The following DYNC1H1 variants were observed in gnomAD, a reference collection of about 807,000 sequenced individuals.
DYNC1H1 encodes the protein cytoplasmic dynein 1 heavy chain 1.
DYNC1H1 carries 51 observed loss-of-function variants against 527.1 expected under a neutral mutation model. That is an observed-to-expected ratio of 0.10 (90% CI 0.08 to 0.12). The LOEUF is 0.12. Among genes scored for constraint, DYNC1H1 ranks in the 10% least tolerant of loss-of-function variants. DYNC1H1 has a pLI of 1.00. For synonymous variants in DYNC1H1, 2,189 were observed against 2,278.8 expected (o/e 0.96, Z 1.12); for missense variants, 2,771 against 5,971.8 (o/e 0.46, Z 17.66).
intron 11 of DYNC1H1, among the ~76,000 whole-genome samples, chr14:101,993,817 G>T (rs921576562): frequency 2.0e-5 from 3 of 152,168 alleles, no homozygotes; most frequent in Admixed American, 1.3e-4. Flanking sequence ...CCCTAATCGC[G>T]TCTCTCCTCC....
At chr14:101,975,185 T>C (rs2047786769) in intron 1 of DYNC1H1, among the ~76,000 whole-genome samples, 1 of 152,200 alleles carries the variant, frequency 6.6e-6, no homozygotes, top group African/African-American at 2.4e-5. Context: ...GTTACTGATA[T>C]TCTTTATGGA....
chr14:102,030,189 C>T lies in DYNC1H1; in HGVS notation c.9790C>T (p.Leu3264=), dbSNP rs373682811. The T allele has an allele frequency of 2.4e-5, 38 of 1,614,030 alleles. No individual in the cohort carries two copies. The highest frequency in any genetic ancestry group is 3.1e-5 in the Non-Finnish European group (36 of 1,180,042). The change falls in exon 51 of 78, where the codon CTG becomes TTG. Residue 3264 remains leucine, a synonymous_variant. Coordinates refer to ENST00000360184, the MANE Select transcript of DYNC1H1 (RefSeq NM_001376.5). Reference sequence around the variant, plus strand: ...TATGAGCCAAGAAATCCAGGAACAGCTGCATAAGCAGCAGGAGGTAATTGC... The same window carrying T: ...TATGAGCCAAGAAATCCAGGAACAGTTGCATAAGCAGCAGGAGGTAATTGC... ...KVMSQEIQEQ[L]HKQQEVIADK... is the part of the protein sequence containing the mutation.
chr14:101,998,525 G>A (rs1276500576), intron 16 of DYNC1H1, among the ~76,000 whole-genome samples: 1 of 152,346 alleles, frequency 6.6e-6, no homozygotes, highest in East Asian at 1.9e-4. Flanking sequence ...AAATGGAAAA[G>A]ATGTGAACAT....
rs10136312 is a variant in DYNC1H1, at chr14:102,049,376, G to A, written c.13373-64G>A. The A allele has an allele frequency of 0.016, 25,515 of 1,609,756 alleles. 913 individuals are homozygous for A. The highest frequency in any genetic ancestry group is 0.14 in the African/African-American group (10,549 of 74,962). ...CAGGATGCCTAGCACTTGCACATTT[G>A]TTCCATCTGTGCTGGGGGAGTTGTG... On this transcript the variant is annotated intron_variant, in intron 74 of 77. Coordinates refer to ENST00000360184, the MANE Select transcript of DYNC1H1 (RefSeq NM_001376.5). The surrounding 1 kb of genome is among the most constrained non-coding windows in gnomAD (Gnocchi z 5.5).
At chr14:102,043,785 T>C in intron 69 of DYNC1H1, 90 bp from the exon 70 acceptor site, 1 of 1,584,882 alleles carries the variant, frequency 6.3e-7, no homozygotes, top group South Asian at 1.1e-5. Flanking sequence ...GGAGAGCTCT[T>C]TGTAAAGCTT....
Position 101,979,791 on chromosome 14 carries a change from G to A in DYNC1H1, c.591G>A (p.Gln197=). Residue 197 remains glutamine, a synonymous_variant, in exon 4 of 78, where the codon CAG becomes CAA. Transcript: ENST00000360184. This position sits in a 1 kb window ranked among gnomAD's most constrained non-coding sequence, Gnocchi z 4.6. ...TCGAAATGGGACTCCTTCACTTGCA[G>A]CAAAATATTGAAATTCCGGAGATCA... ...AELEMGLLHL[Q]QNIEIPEISL... is the part of the protein sequence containing the mutation. 1 of 1,614,160 alleles carries A rather than the reference G, an allele frequency of 6.2e-7. No individual in the cohort carries two copies. The highest frequency in any genetic ancestry group is 1.1e-5 in the South Asian group (1 of 91,082).
At position 101,997,717 on chromosome 14, in the gene DYNC1H1, G is replaced by A. The variant is rs1329822312; in HGVS notation, c.3804+443G>A. 1.3e-5 allele frequency among the ~76,000 whole-genome samples: 2 copies of A among 152,202 alleles called. No homozygotes were observed. Among genetic ancestry groups the A allele is most frequent in the Non-Finnish European group, 2.9e-5 (2 of 68,028 alleles). ...AGCCATTTAAACCTTCCACCACCCA[G>A]AAACTGCCACATCCACTTTTCTTCA... is the stretch of plus-strand genomic sequence containing the variant. On this transcript the variant is annotated intron_variant, in intron 16 of 77. Transcript: ENST00000360184. This position sits in a 1 kb window ranked among gnomAD's most constrained non-coding sequence, Gnocchi z 4.8.
At position 102,023,256 on chromosome 14, in the gene DYNC1H1, A is replaced by T. The variant is rs1161892834; in HGVS notation, c.8637+376A>T. 2.3e-5 allele frequency: 8 copies of T among 351,508 alleles called. No homozygotes were observed. The Admixed American group carries it at 3.1e-4, about 14-fold the overall frequency. The allele number at this position is 351,508 out of a possible 1,614,324, so 21.8% of individuals were successfully genotyped here. On this transcript the variant is annotated intron_variant, in intron 43 of 77. Coordinates refer to ENST00000360184, the MANE Select transcript of DYNC1H1 (RefSeq NM_001376.5). Reference sequence around the variant, plus strand: ...AACCCTGTTTCAAAAAATACTTCAGAAAACAAAATATCAGCCGGGCGCGGT... The same window carrying T: ...AACCCTGTTTCAAAAAATACTTCAGTAAACAAAATATCAGCCGGGCGCGGT...
At chr14:101,982,913 C>T (rs2047885180) in intron 5 of DYNC1H1, 106 bp from the exon 6 acceptor site, 1 of 1,339,972 alleles carries the variant, frequency 7.5e-7, no homozygotes, top group Non-Finnish European at 1.1e-6. Context: ...TTTTGTCTCG[C>T]TAGATATTTT....
At chr14:102,048,400 C>T (rs558282196) in intron 73 of DYNC1H1, 116 bp from the exon 74 acceptor site, 1 of 1,402,368 alleles carries the variant, frequency 7.1e-7, no homozygotes, top group Non-Finnish European at 9.9e-7. Context: ...GTCCGTGACC[C>T]TGGACAGTTC....
rs762560304 is a variant in DYNC1H1 at position 102,004,646 on chromosome 14, C to G, written c.5012C>G (p.Ser1671Cys). 6.2e-7 allele frequency: 1 copy of G among 1,614,160 alleles called. No individual in the cohort carries two copies. Among genetic ancestry groups the G allele is most frequent in the Non-Finnish European group, 8.5e-7 (1 of 1,180,036 alleles). The change falls in exon 24 of 78, where the codon TCT (serine) becomes TGT (cysteine). Residue 1671 changes from serine (S) to cysteine (C), a missense_variant. This residue lies in a region of DYNC1H1 where 105 missense variants were observed against 138.1 expected (regional missense o/e 0.76). Transcript: ENST00000360184. ...AGCATCATCCTGAACGAGGATAACTCTGTTGTTTTGGGTATTTCATCTCGG... is the reference window on the plus strand; with the variant it reads ...AGCATCATCCTGAACGAGGATAACTGTGTTGTTTTGGGTATTTCATCTCGG... The part of the protein sequence containing the change: ...VSSIILNEDN[S>C]VVLGISSREG...
rs575807137 is a variant in DYNC1H1, at chr14:102,015,050, G to A, written c.7015-55G>A. The A allele has an allele frequency of 3.1e-6, 5 of 1,590,210 alleles. No individual in the cohort carries two copies. Among genetic ancestry groups the A allele is most frequent in the South Asian group, 1.1e-5 (1 of 90,178 alleles). On this transcript the variant is annotated intron_variant, in intron 34 of 77. Transcript: ENST00000360184. The surrounding 1 kb of genome is among the most constrained non-coding windows in gnomAD (Gnocchi z 6.9). ...TATATATAGGTAAAAGAATCTTAAT[G>A]TCCAGGTTTCTTCCAAACCTATGTC...
intron 72 of DYNC1H1, among the ~76,000 whole-genome samples, chr14:102,046,480 G>A (rs1162752270): frequency 6.8e-6 from 1 of 147,028 alleles, no homozygotes; most frequent in African/African-American, 2.5e-5. Flanking sequence ...GGCGGGTCTG[G>A]AGGGAAAGCC....
At chr14:101,996,302 G>A (rs1011637471) in intron 15 of DYNC1H1, among the ~76,000 whole-genome samples, 4 of 150,576 alleles carry the variant, frequency 2.7e-5, no homozygotes, top group Non-Finnish European at 4.4e-5. Flanking sequence ...GCTAATTTTT[G>A]TATTTTTAGC....
intron 1 of DYNC1H1, among the ~76,000 whole-genome samples, chr14:101,968,846 G>A (rs536790806): frequency 6.6e-6 from 1 of 152,314 alleles, no homozygotes; most frequent in Non-Finnish European, 1.5e-5. Flanking sequence ...ACAGGCGTGC[G>A]CCATGACATC....
chr14:102,001,246 A>G lies in DYNC1H1; in HGVS notation c.4287A>G (p.Leu1429=). 6.2e-7 allele frequency: 1 copy of G among 1,614,262 alleles called. No individual in the cohort carries two copies. Among genetic ancestry groups the G allele is most frequent in the Non-Finnish European group, 8.5e-7 (1 of 1,180,048 alleles). The change falls in exon 20 of 78, where the codon CTA becomes CTG. Residue 1429 remains leucine (L), a synonymous_variant. Transcript: ENST00000360184. This position sits in a 1 kb window ranked among gnomAD's most constrained non-coding sequence, Gnocchi z 5.0. ...ACGTTAATTGGGTTGTTTCTGAGCT[A>G]ACCCTTGGCCAAATCTGGGATGTTG... ...RLHVNWVVSE[L]TLGQIWDVDL...
At chr14:102,046,036 C>T (rs565985538) in intron 72 of DYNC1H1, among the ~76,000 whole-genome samples, 8 of 151,868 alleles carry the variant, frequency 5.3e-5, no homozygotes, top group South Asian at 2.1e-4. Flanking sequence ...GGTGTGGTGG[C>T]GGGCACCTGT....
At chr14:102,004,345 G>A (rs2048171934) in intron 23 of DYNC1H1, among the ~76,000 whole-genome samples, 173 bp from the exon 24 acceptor site, 1 of 152,216 alleles carries the variant, frequency 6.6e-6, no homozygotes, top group Non-Finnish European at 1.5e-5. Flanking sequence ...TGTTAGGTAA[G>A]TGTGTATCTT....
At chr14:102,013,262 A>G (rs2048279733) in intron 34 of DYNC1H1, among the ~76,000 whole-genome samples, 1 of 151,466 alleles carries the variant, frequency 6.6e-6, no homozygotes, top group South Asian at 2.1e-4. Context: ...AAAAAAAAAA[A>G]AAAAAAAAAA....
Sources: gnomAD v4.1 joint callset for allele counts (sites outside exome capture counted in the v4.1 genomes callset) on GRCh38, gnomAD v4.1.1 for gene constraint, gnomAD v4.1.1 regional missense constraint, Gnocchi (gnomAD v3.1) non-coding constraint, MANE v1.5 for transcripts, NCBI Gene and HGNC (gene_info 2026-07-23, HGNC 2026-07-21) for gene names.